Variants in AFAP1 observed in about 807,000 individuals in gnomAD.
The protein encoded by AFAP1 is actin filament associated protein 1.
AFAP1 carries 75 observed loss-of-function variants against 93.9 expected under a neutral mutation model. That is an observed-to-expected ratio of 0.80 (90% confidence interval 0.66 to 0.97). The LOEUF (loss-of-function observed/expected upper bound fraction) is 0.97. Among genes scored for constraint, AFAP1 ranks in the 50% least tolerant of loss-of-function variants. The probability of loss-of-function intolerance (pLI) is 0.00; values close to 1 mark genes in which losing one functional copy is unlikely to be tolerated. For missense variants in AFAP1, 1,201 were observed against 1,050.8 expected, an observed-to-expected ratio of 1.14 and a Z score of -1.98; for synonymous variants, 517 against 430.7, an observed-to-expected ratio of 1.20 and a Z score of -2.48.
At position 7,871,950 on chromosome 4, in the gene AFAP1, A is replaced by G; in HGVS notation, c.127+2T>C. ...AAAAGCAGGCGTCAGAATGAGACTC[A>G]CCTTTGGATGACTGTATTCTTAGCA... On this transcript the variant is annotated splice_donor_variant, in intron 2 of 17. Coordinates refer to ENST00000420658, the MANE Select transcript of AFAP1 (RefSeq NM_001134647.2). LOFTEE classifies it high-confidence loss of function. 6.2e-7 allele frequency: 1 copy of G among 1,614,116 alleles called. No homozygotes were observed. Among genetic ancestry groups the G allele is most frequent in the South Asian group, 1.1e-5 (1 of 91,038 alleles).
intron 13 of AFAP1, among the ~76,000 whole-genome samples, chr4:7,779,410 A>G (rs1251648900): frequency 6.6e-6 from 1 of 152,220 alleles, no homozygotes; most frequent in East Asian, 1.9e-4. Flanking sequence ...CACAGCAGCA[A>G]CACTATGGAA....
At chr4:7,805,405 G>A (rs775406535) in intron 9 of AFAP1, among the ~76,000 whole-genome samples, 3 of 152,120 alleles carry the variant, frequency 2.0e-5, no homozygotes, top group African/African-American at 4.8e-5. Flanking sequence ...CAGTCTCTCC[G>A]TTTCTCATGA....
chr4:7,876,207 A>G (rs1717494749), intron 1 of AFAP1, among the ~76,000 whole-genome samples: 1 of 152,216 alleles, frequency 6.6e-6, no homozygotes, highest in Non-Finnish European at 1.5e-5. Flanking sequence ...TGCGACCATG[A>G]GGCCGCTGTG....
At chr4:7,837,331 A>G (rs1712422323) in intron 6 of AFAP1, among the ~76,000 whole-genome samples, 1 of 152,130 alleles carries the variant, frequency 6.6e-6, no homozygotes, top group South Asian at 2.1e-4. Flanking sequence ...CTGGGAGGTG[A>G]CTAGGTCATG....
rs540158036 is a variant in AFAP1, at chr4:7,828,761, C to T, written c.727-9590G>A. Among the ~76,000 whole-genome samples the T allele has an allele frequency of 3.9e-5, 6 of 152,296 alleles. No homozygotes were observed. The East Asian group carries it at 1.2e-3, about 29-fold the overall frequency. On this transcript the variant is annotated intron_variant, in intron 6 of 17. Transcript: ENST00000420658. ...ACCTTTACAGATGAAGAAACAGAGG[C>T]ACTGAGAAGTCACATAGCTTGTCCA...
rs1188162815 is a variant in AFAP1 at position 7,823,114 on chromosome 4, AG to A, written c.727-3944del. Among the ~76,000 whole-genome samples, 3 of 151,882 alleles carry A rather than the reference AG, an allele frequency of 2.0e-5. No homozygotes were observed. The East Asian group carries it at 5.8e-4, about 29-fold the overall frequency. Reference sequence around the variant, plus strand: ...CTCTGGCCCTTCTGTGTGGTCCATAAGGCAGGGCTCCCCCTCCACACATGCC... The same window carrying A: ...CTCTGGCCCTTCTGTGTGGTCCATAAGCAGGGCTCCCCCTCCACACATGCC... On this transcript the variant is annotated intron_variant, in intron 6 of 17. Transcript: ENST00000420658.
chr4:7,772,172 C>T (rs1201133473), intron 16 of AFAP1: 1 of 152,260 alleles, frequency 6.6e-6, no homozygotes, highest in Admixed American at 6.5e-5. Context: ...CCAGCCGTCC[C>T]TCACTGGCTG....
chr4:7,924,258 T>G (rs768307119), intron 1 of AFAP1, among the ~76,000 whole-genome samples: 1 of 152,208 alleles, frequency 6.6e-6, no homozygotes, highest in Admixed American at 6.5e-5. Context: ...CCAAGGTCCC[T>G]TCCATTCACA....
rs117204244 is a variant in AFAP1 at position 7,774,656 on chromosome 4, T to C, written c.2062+83A>G. 515 of 1,529,246 alleles carry C rather than the reference T, an allele frequency of 3.4e-4. 2 individuals carry two copies. In the East Asian group the frequency reaches 0.01, roughly 30 times the overall value. The allele number at this position is 1,529,246 out of a possible 1,614,324, so 94.7% of individuals were successfully genotyped here. A position where few individuals can be genotyped will look rare whatever the true frequency, so the allele number is the denominator to read the frequency against. On this transcript the variant is annotated intron_variant, in intron 15 of 17. Coordinates refer to ENST00000420658, the MANE Select transcript of AFAP1 (RefSeq NM_001134647.2). Reference sequence around the variant, plus strand: ...ATAAAATGACAGCCTTGGTGAGCAATAGGTCCTTTGGGCAAAGCAGAATGA... The same window carrying C: ...ATAAAATGACAGCCTTGGTGAGCAACAGGTCCTTTGGGCAAAGCAGAATGA...
chr4:7,866,864 T>C (rs1716459340), intron 3 of AFAP1, among the ~76,000 whole-genome samples: 2 of 144,190 alleles, frequency 1.4e-5, no homozygotes, highest in South Asian at 4.4e-4. Context: ...ACCCTTTCTC[T>C]ATTAAAAAAA....
chr4:7,896,922 G>T (rs1022181987), intron 1 of AFAP1, among the ~76,000 whole-genome samples: 1 of 151,994 alleles, frequency 6.6e-6, no homozygotes, highest in Non-Finnish European at 1.5e-5. Flanking sequence ...GTGTGACACG[G>T]TGTATCTATG....
intron 9 of AFAP1, among the ~76,000 whole-genome samples, chr4:7,807,961 T>A (rs1719674154): frequency 6.6e-6 from 1 of 152,216 alleles, no homozygotes; most frequent in African/African-American, 2.4e-5. Context: ...TGAATACATT[T>A]ATCTTTGTGT....
At chr4:7,822,208 G>T (rs1384085937) in intron 6 of AFAP1, among the ~76,000 whole-genome samples, 1 of 152,162 alleles carries the variant, frequency 6.6e-6, no homozygotes, top group African/African-American at 2.4e-5. Context: ...AAACCCACCT[G>T]GGTTTAAACC....
At chr4:7,863,416 A>AGAAAGAAC (rs945823322) in intron 3 of AFAP1, among the ~76,000 whole-genome samples, 1 of 152,148 alleles carries the variant, frequency 6.6e-6, no homozygotes, top group African/African-American at 2.4e-5. Flanking sequence ...GAGACTGCCA[A>AGAAAGAAC]GAAAGAACGA....
chr4:7,841,032 C>A (rs1488680348), intron 5 of AFAP1, among the ~76,000 whole-genome samples: 1 of 152,216 alleles, frequency 6.6e-6, no homozygotes, highest in African/African-American at 2.4e-5. Flanking sequence ...TTAAATGCCT[C>A]ACGAGAGATA....
At chr4:7,892,393 G>T (rs2149208246) in intron 1 of AFAP1, among the ~76,000 whole-genome samples, 1 of 152,238 alleles carries the variant, frequency 6.6e-6, no homozygotes, top group East Asian at 1.9e-4. Flanking sequence ...CAGAGGAGCA[G>T]TGGGAGGTTC....
chr4:7,938,028 GC>G, intron 1 of AFAP1, among the ~76,000 whole-genome samples: 1 of 152,268 alleles, frequency 6.6e-6, no homozygotes, highest in South Asian at 2.1e-4. Context: ...ATTACCCAAA[GC>G]CAATCTGTCC....
chr4:7,928,627 T>C (rs1375092308), intron 1 of AFAP1, among the ~76,000 whole-genome samples: 1 of 152,130 alleles, frequency 6.6e-6, no homozygotes. Flanking sequence ...ACCTCATGAT[T>C]CGCCCACCTT....
chr4:7,910,852 C>A (rs146552736), intron 1 of AFAP1, among the ~76,000 whole-genome samples: 1 of 152,208 alleles, frequency 6.6e-6, no homozygotes, highest in Non-Finnish European at 1.5e-5. Context: ...GGTTGAGACA[C>A]GTATTCCCAC....
Sources: allele counts gnomAD v4.1 joint callset (sites outside exome capture counted in the v4.1 genomes callset), GRCh38; gene constraint gnomAD v4.1.1; transcripts MANE v1.5; gene names NCBI Gene and HGNC (gene_info 2026-07-23, HGNC 2026-07-21).